SLC25A53: variants seen among roughly 807,000 people sequenced by gnomAD.
SLC25A53 encodes solute carrier family 25 member 53, also known as mitochondrial carrier triple repeat protein 6.
In SLC25A53, 5 loss-of-function variants were observed where a neutral mutation model predicts 15.0. The ratio of observed to expected loss-of-function variants is 0.33; its 90% confidence interval spans 0.17 to 0.70. The LOEUF (loss-of-function observed/expected upper bound fraction) is 0.70. Ranked by LOEUF, SLC25A53 falls within the 30% of genes least tolerant of loss-of-function variation. SLC25A53 has a pLI of 0.67. For synonymous variants in SLC25A53, 95 were observed against 100.0 expected (o/e 0.95, Z 0.30); for missense variants, 216 against 241.6 (o/e 0.89, Z 0.70).
intron 1 of SLC25A53, among the ~76,000 whole-genome samples, chrX:104,123,544 TA>T (rs1359335705): frequency 1.1e-5 from 1 of 92,688 alleles, no homozygotes; most frequent in African/African-American, 3.6e-5. Flanking sequence ...CTGATTTGTT[TA>T]TTTTTTTTTT....
intron 1 of SLC25A53, among the ~76,000 whole-genome samples, chrX:104,147,870 A>T (rs1239226981): frequency 3.9e-4 from 43 of 110,563 alleles, no homozygotes; most frequent in Non-Finnish European, 6.5e-4. Flanking sequence ...AAACTAGTTC[A>T]ACCATTGTGG....
intron 1 of SLC25A53, among the ~76,000 whole-genome samples, chrX:104,106,575 G>C (rs1489453887): frequency 1.8e-5 from 2 of 111,244 alleles, no homozygotes; most frequent in African/African-American, 3.3e-5. Flanking sequence ...CTATGTGATG[G>C]GGGCATGAAG....
chrX:104,149,375 G>A (rs1205243854), intron 1 of SLC25A53, among the ~76,000 whole-genome samples: 2 of 112,775 alleles, frequency 1.8e-5, no homozygotes, highest in African/African-American at 6.4e-5. Context: ...ACTTCATAAT[G>A]TCTGGGGCCT....
chrX:104,137,385 G>A (rs1556366663), intron 1 of SLC25A53, among the ~76,000 whole-genome samples: 1 of 110,190 alleles, frequency 9.1e-6, no homozygotes, highest in African/African-American at 3.3e-5. Context: ...CTAACCCCTG[G>A]AGATACGCTC....
chrX:104,126,223 C>T (rs782273897), intron 1 of SLC25A53, among the ~76,000 whole-genome samples: 1 of 111,364 alleles, frequency 9.0e-6, no homozygotes, highest in Non-Finnish European at 1.9e-5. Flanking sequence ...GTGGGAGGAT[C>T]GTTTTAGCCC....
chrX:104,111,018 G>A (rs2075338893), intron 1 of SLC25A53, among the ~76,000 whole-genome samples: 1 of 112,658 alleles, frequency 8.9e-6, no homozygotes, highest in East Asian at 2.8e-4. Flanking sequence ...ACAATTCCAG[G>A]AAGGACCTCG....
rs183312145 is a variant in SLC25A53, at chrX:104,128,541, A to G, written c.-31-23253T>C. 1.3e-4 allele frequency among the ~76,000 whole-genome samples: 14 copies of G among 111,834 alleles called. No individual in the cohort carries two copies. The East Asian group carries it at 3.9e-3, about 31-fold the overall frequency. On this transcript the variant is annotated intron_variant, in intron 1 of 1. Coordinates refer to ENST00000594199, the MANE Select transcript of SLC25A53 (RefSeq NM_001012755.5). ...AATGTTGTAACATGCTGTTTTGGAT[A>G]AAGTATATGAAGACAAATCCAACCT...
rs2075291607 is a variant in SLC25A53, at chrX:104,103,673, T to A, written c.*661A>T. The A allele has an allele frequency of 8.9e-6, 1 of 112,101 alleles. No homozygotes were observed. Among genetic ancestry groups the A allele is most frequent in the South Asian group, 3.7e-4 (1 of 2,709 alleles). The allele number at this position is 112,101 out of a possible 1,213,427, so 9.2% of individuals were successfully genotyped here. ...TTTCTATTTTGCATGTAATTAAATC[T>A]TTTCTTTCAAAGTTTTTATTCTTTC... On this transcript the variant is annotated 3_prime_UTR_variant, in exon 2 of 2. Coordinates refer to ENST00000594199, the MANE Select transcript of SLC25A53 (RefSeq NM_001012755.5).
At chrX:104,120,093 G>A (rs1206127109) in intron 1 of SLC25A53, among the ~76,000 whole-genome samples, 1 of 111,734 alleles carries the variant, frequency 8.9e-6, no homozygotes, top group African/African-American at 3.3e-5. Context: ...TCCATTCTAC[G>A]ACTTTACAAG....
At chrX:104,127,724 G>A (rs1252051394) in intron 1 of SLC25A53, among the ~76,000 whole-genome samples, 1 of 111,980 alleles carries the variant, frequency 8.9e-6, no homozygotes, top group Non-Finnish European at 1.9e-5. Flanking sequence ...AGCACTTTAG[G>A]AGGCCAAGGT....
At chrX:104,114,650 T>C (rs371168117) in intron 1 of SLC25A53, 347 of 1,210,445 alleles carry the variant, frequency 2.9e-4, no homozygotes, top group Non-Finnish European at 3.7e-4. Flanking sequence ...CAGCTTCTTT[T>C]AGGCGCTGAG....
intron 1 of SLC25A53, among the ~76,000 whole-genome samples, chrX:104,154,222 C>A (rs955054119): frequency 8.9e-6 from 1 of 112,083 alleles, no homozygotes; most frequent in Non-Finnish European, 1.9e-5. Flanking sequence ...AAATGGCCAA[C>A]AGGCATAAGA....
chrX:104,138,795 C>T (rs1208469404), intron 1 of SLC25A53, among the ~76,000 whole-genome samples: 1 of 112,062 alleles, frequency 8.9e-6, no homozygotes, highest in South Asian at 3.7e-4. Context: ...AGCCAAACTC[C>T]GTGTCGTTCT....
intron 1 of SLC25A53, among the ~76,000 whole-genome samples, chrX:104,127,658 A>G (rs2075414509): frequency 8.9e-6 from 1 of 112,045 alleles, no homozygotes; most frequent in South Asian, 3.7e-4. Context: ...ACCTTAAAAT[A>G]ATTTTTAAAA....
intron 1 of SLC25A53, among the ~76,000 whole-genome samples, chrX:104,148,291 G>A: frequency 9.2e-6 from 1 of 108,161 alleles, no homozygotes; most frequent in East Asian, 3.0e-4. Context: ...TCACACTCTG[G>A]GGACTGTTGT....
intron 1 of SLC25A53, among the ~76,000 whole-genome samples, chrX:104,111,183 GGGCT>G (rs1466374015): frequency 8.0e-5 from 9 of 112,306 alleles, no homozygotes; most frequent in Non-Finnish European, 3.8e-5. Flanking sequence ...ATCAACTACA[GGGCT>G]GGTTAAAACT....
intron 1 of SLC25A53, among the ~76,000 whole-genome samples, chrX:104,141,192 T>A (rs2075449900): frequency 8.9e-6 from 1 of 111,952 alleles, no homozygotes. Context: ...AGAACACTGA[T>A]CTTTGTGGCC....
chrX:104,113,891 T>C, intron 1 of SLC25A53: 1 of 477,837 alleles, frequency 2.1e-6, no homozygotes, highest in Non-Finnish European at 3.4e-6. Flanking sequence ...TGGGCAGATA[T>C]AAAATGCACT....
chrX:104,104,427 G>A lies in SLC25A53; in HGVS notation c.831C>T (p.Ile277=), dbSNP rs1556354545. The change falls in exon 2 of 2, where the codon ATC becomes ATT. Residue 277 remains isoleucine, a synonymous_variant. Transcript: ENST00000594199. Reference sequence around the variant, plus strand: ...GGCCCCATGTCACACTGGACCTTAGGATGACTAGGGAGCCTCCACGGTAGA... The same window carrying A: ...GGCCCCATGTCACACTGGACCTTAGAATGACTAGGGAGCCTCCACGGTAGA... The part of the protein sequence containing the change: ...LLIYRGGSLV[I]LRSSVTWGLT... The A allele has an allele frequency of 1.7e-6, 2 of 1,211,747 alleles. No individual in the cohort carries two copies. The highest frequency in any genetic ancestry group is 2.2e-6 in the Non-Finnish European group (2 of 895,379).
Sources: allele counts gnomAD v4.1 joint callset (sites outside exome capture counted in the v4.1 genomes callset), GRCh38; gene constraint gnomAD v4.1.1; transcripts MANE v1.5; gene names NCBI Gene and HGNC (gene_info 2026-07-23, HGNC 2026-07-21).